The following MRTFA variants were observed in gnomAD, a reference collection of about 807,000 sequenced individuals.
MRTFA encodes myocardin related transcription factor A.
MRTFA carries 20 observed loss-of-function variants against 83.5 expected under a neutral mutation model. The observed-to-expected ratio is 0.24, with a 90% CI of 0.17 to 0.35. The LOEUF (loss-of-function observed/expected upper bound fraction) is 0.35. MRTFA is among the 10% of genes least tolerant of loss of function. MRTFA has a pLI of 1.00. For missense variants in MRTFA, 1,200 were observed against 1,224.7 expected, an observed-to-expected ratio of 0.98 and a Z score of 0.30; for synonymous variants, 659 against 541.2, an observed-to-expected ratio of 1.22 and a Z score of -3.02.
chr22:40,474,401 T>G (rs1461451380), intron 3 of MRTFA, among the ~76,000 whole-genome samples: 1 of 152,236 alleles, frequency 6.6e-6, no homozygotes, highest in Non-Finnish European at 1.5e-5. Context: ...GTCAATTGTT[T>G]ACGATGCTAA....
In MRTFA at chr22:40,626,866, AACACACACACAC is replaced by A. The variant is rs141945541; in HGVS notation, c.-84+9600_-84+9611del. Among the ~76,000 whole-genome samples the A allele has an allele frequency of 4.8e-5, 7 of 145,224 alleles. No homozygotes were observed. The South Asian group carries it at 1.1e-3, about 23-fold the overall frequency. On this transcript the variant is annotated intron_variant, in intron 1 of 14. Transcript: ENST00000355630. ...TGTATCAGAATGAGACCCTGTCTCA[AACACACACACAC>A]ACACACACACACACACACACACTAA...
At chr22:40,625,979 G>T (rs2147443499) in intron 1 of MRTFA, among the ~76,000 whole-genome samples, 1 of 151,778 alleles carries the variant, frequency 6.6e-6, no homozygotes, top group East Asian at 1.9e-4. Context: ...GGACAAAAAA[G>T]AAAATAACCC....
chr22:40,553,340 A>G (rs943125786), intron 2 of MRTFA, among the ~76,000 whole-genome samples: 1 of 152,244 alleles, frequency 6.6e-6, no homozygotes, highest in Non-Finnish European at 1.5e-5. Context: ...GGCATGTCAC[A>G]GACCTTCACA....
intron 5 of MRTFA, among the ~76,000 whole-genome samples, chr22:40,434,403 G>A (rs984753277): frequency 9.9e-5 from 15 of 151,554 alleles, no homozygotes; most frequent in Admixed American, 9.2e-4. Flanking sequence ...AAAAAGTCTT[G>A]GAGGTAAATA....
intron 7 of MRTFA, among the ~76,000 whole-genome samples, chr22:40,426,371 T>A (rs576071092): frequency 6.6e-6 from 1 of 152,242 alleles, no homozygotes; most frequent in African/African-American, 2.4e-5. Flanking sequence ...ACCTGCTCCA[T>A]TGCATCCAGC....
chr22:40,605,768 G>A (rs1382401266), intron 1 of MRTFA, among the ~76,000 whole-genome samples: 1 of 152,062 alleles, frequency 6.6e-6, no homozygotes, highest in East Asian at 1.9e-4. Context: ...CTTAGTCCAG[G>A]CTTCATCTAC....
At position 40,587,281 on chromosome 22, in the gene MRTFA, C is replaced by T. The variant is rs1365198541; in HGVS notation, c.-22+7393G>A. 2.5e-5 allele frequency: 12 copies of T among 487,878 alleles called. No individual in the cohort carries two copies. In the East Asian group the frequency reaches 7.0e-4, roughly 28 times the overall value. The allele number at this position is 487,878 out of a possible 1,614,324, so 30.2% of individuals were successfully genotyped here. ...TCCAAATGCAGAAATGTCCCACATG[C>T]CCATCAGGAGCAAGTTTCAAAATGT... On this transcript the variant is annotated intron_variant, in intron 2 of 14. Coordinates refer to ENST00000355630, the MANE Select transcript of MRTFA (RefSeq NM_020831.6).
intron 2 of MRTFA, among the ~76,000 whole-genome samples, chr22:40,577,259 TA>T (rs886868965): frequency 7.7e-5 from 10 of 129,718 alleles, no homozygotes; most frequent in South Asian, 5.0e-4. Context: ...AAAAAAAAAT[TA>T]AAAAAAAAAG....
At chr22:40,572,059 A>G (rs1003086621) in intron 2 of MRTFA, among the ~76,000 whole-genome samples, 4 of 152,042 alleles carry the variant, frequency 2.6e-5, no homozygotes, top group African/African-American at 9.7e-5. Flanking sequence ...TAGGATTGGT[A>G]AAACCAAAAA....
chr22:40,426,430 C>T (rs1399047307), intron 7 of MRTFA, among the ~76,000 whole-genome samples: 6 of 152,198 alleles, frequency 3.9e-5, no homozygotes, highest in African/African-American at 7.2e-5. Flanking sequence ...TCCTTCTCCA[C>T]AGAACTATTG....
chr22:40,597,664 G>A (rs1394444609), intron 1 of MRTFA, among the ~76,000 whole-genome samples: 1 of 152,210 alleles, frequency 6.6e-6, no homozygotes, highest in Non-Finnish European at 1.5e-5. Context: ...GCCGAAAGCA[G>A]AGGGTAGTAG....
At chr22:40,495,985 G>A (rs1204916872) in intron 3 of MRTFA, among the ~76,000 whole-genome samples, 2 of 151,688 alleles carry the variant, frequency 1.3e-5, no homozygotes, top group Non-Finnish European at 2.9e-5. Context: ...AGAAGCGCTT[G>A]AACCTGGGAG....
chr22:40,536,559 C>A (rs2055180369), intron 3 of MRTFA, among the ~76,000 whole-genome samples: 1 of 113,748 alleles, frequency 8.8e-6, no homozygotes, highest in South Asian at 3.2e-4. Context: ...CTCTGCCTGG[C>A]CGCCCATCGT....
chr22:40,508,204 T>C (rs1279008879), intron 3 of MRTFA, among the ~76,000 whole-genome samples: 1 of 152,010 alleles, frequency 6.6e-6, no homozygotes, highest in African/African-American at 2.4e-5. Context: ...TGTGTTTGTC[T>C]ATTCCCAATA....
chr22:40,566,042 C>G (rs2055698568), intron 2 of MRTFA, among the ~76,000 whole-genome samples: 1 of 152,088 alleles, frequency 6.6e-6, no homozygotes, highest in Admixed American at 6.5e-5. Context: ...CAAGAAACAG[C>G]CAGCCATGCA....
At chr22:40,536,068 G>T (rs1474480205) in intron 3 of MRTFA, among the ~76,000 whole-genome samples, 3 of 151,702 alleles carry the variant, frequency 2.0e-5, no homozygotes, top group African/African-American at 7.3e-5. Context: ...AAACGGGAGG[G>T]TGGGTTGAAA....
At chr22:40,559,687 G>A (rs1392124792) in intron 2 of MRTFA, among the ~76,000 whole-genome samples, 5 of 152,144 alleles carry the variant, frequency 3.3e-5, no homozygotes, top group Admixed American at 2.0e-4. Flanking sequence ...GATTACAAGC[G>A]TGAGCCACCT....
At chr22:40,615,592 T>C (rs1261449347) in intron 1 of MRTFA, among the ~76,000 whole-genome samples, 1 of 152,226 alleles carries the variant, frequency 6.6e-6, no homozygotes, top group Non-Finnish European at 1.5e-5. Context: ...TTTCAAATCA[T>C]GCAGATGGTA....
intron 3 of MRTFA, among the ~76,000 whole-genome samples, chr22:40,477,122 G>C (rs1420625649): frequency 7.0e-6 from 1 of 143,374 alleles, no homozygotes; most frequent in African/African-American, 2.6e-5. Context: ...GTGAGGTCAG[G>C]AGGTCTAGGC....
Sources: allele counts gnomAD v4.1 joint callset (sites outside exome capture counted in the v4.1 genomes callset), GRCh38; gene constraint gnomAD v4.1.1; transcripts MANE v1.5; gene names NCBI Gene and HGNC (gene_info 2026-07-23, HGNC 2026-07-21).